The following CWH43 variants were observed in gnomAD, a reference collection of about 807,000 sequenced individuals.
CWH43 encodes the protein cell wall biogenesis 43 C-terminal homolog, also known as PGAP2-interacting protein.
A neutral mutation model predicts 85.7 loss-of-function variants in CWH43; 91 were observed. The ratio of observed to expected loss-of-function variants is 1.06; its 90% confidence interval spans 0.90 to 1.26. CWH43 has a LOEUF of 1.26. Among genes scored for constraint, CWH43 ranks in the 50% most tolerant of loss-of-function variants. The pLI is 0.00. For missense variants in CWH43, 869 were observed against 839.2 expected (o/e 1.04, Z -0.44); for synonymous variants, 323 against 293.6 (o/e 1.10, Z -1.02).
chr4:49,015,386 T>C (rs1164024487), intron 8 of CWH43, among the ~76,000 whole-genome samples: 3 of 152,126 alleles, frequency 2.0e-5, no homozygotes, highest in Non-Finnish European at 4.4e-5. Flanking sequence ...ATTATTCTCC[T>C]GTCTTCTGCT....
intron 7 of CWH43, among the ~76,000 whole-genome samples, chr4:49,006,121 C>T (rs1205297596): frequency 1.3e-5 from 2 of 152,082 alleles, no homozygotes; most frequent in African/African-American, 4.8e-5. Flanking sequence ...CTCTCTCCTG[C>T]TTTGTTTTCT....
At chr4:48,996,223 A>G (rs1022537892) in intron 5 of CWH43, among the ~76,000 whole-genome samples, 1 of 152,008 alleles carries the variant, frequency 6.6e-6, no homozygotes, top group African/African-American at 2.4e-5. Context: ...TGTTATTATC[A>G]CAGGGGATCC....
intron 9 of CWH43, among the ~76,000 whole-genome samples, chr4:49,023,144 T>G (rs1312085768): frequency 2.0e-5 from 3 of 152,218 alleles, no homozygotes; most frequent in Admixed American, 6.5e-5. Context: ...CTATTTGTGC[T>G]GTTTCAAACT....
chr4:49,057,757 C>T (rs148694414), intron 15 of CWH43, among the ~76,000 whole-genome samples: 1 of 152,236 alleles, frequency 6.6e-6, no homozygotes, highest in African/African-American at 2.4e-5. Context: ...GTTCTCCCTT[C>T]AGTTCTGTTA....
intron 5 of CWH43, 48 bp from the exon 6 acceptor site, chr4:48,998,412 T>C: frequency 7.3e-7 from 1 of 1,370,020 alleles, no homozygotes; most frequent in South Asian, 1.2e-5. Context: ...TTCGGGATGA[T>C]GAAATATTAC....
rs370189018 is a variant in CWH43 at position 49,007,177 on chromosome 4, T to C, written c.1061-24T>C. On this transcript the variant is annotated intron_variant, in intron 7 of 15. Transcript: ENST00000226432. ...AGGATTTTTGGATCAGACTATAACA[T>C]ATTCTTTCTTTCTCTTATAACAGGG... 103 of 1,596,838 alleles carry C rather than the reference T, an allele frequency of 6.5e-5. No individual in the cohort carries two copies. The African/African-American group carries it at 1.3e-3, about 20-fold the overall frequency.
rs1455670069 is a variant in CWH43, at chr4:48,986,342, G to A, written c.-88G>A. 34 of 1,302,488 alleles carry A rather than the reference G, an allele frequency of 2.6e-5. No individual in the cohort carries two copies. The highest frequency in any genetic ancestry group is 5.3e-4 in the Middle Eastern group (2 of 3,800). The allele number at this position is 1,302,488 out of a possible 1,614,324, so 80.7% of individuals were successfully genotyped here. A position where few individuals can be genotyped will look rare whatever the true frequency, so the allele number is the denominator to read the frequency against. The stretch of plus-strand genomic sequence containing the variant: ...GGCGCGGACGCAGGCCCGGGAGGAC[G>A]CGGCGGCGGGAACCTGGGGGCGCAG... On this transcript the variant is annotated 5_prime_UTR_variant, in exon 1 of 16. Transcript: ENST00000226432.
At chr4:49,007,802 A>G (rs1783211040) in intron 8 of CWH43, among the ~76,000 whole-genome samples, 1 of 151,630 alleles carries the variant, frequency 6.6e-6, no homozygotes, top group Non-Finnish European at 1.5e-5. Flanking sequence ...AAGGACATGA[A>G]CTCATTTTTT....
chr4:49,023,769 A>G (rs1322096237), intron 9 of CWH43, among the ~76,000 whole-genome samples: 1 of 152,236 alleles, frequency 6.6e-6, no homozygotes, highest in African/African-American at 2.4e-5. Context: ...ATGGCCTATC[A>G]TATGGTCTAT....
At chr4:49,005,682 A>T (rs1783134780) in intron 7 of CWH43, among the ~76,000 whole-genome samples, 1 of 149,800 alleles carries the variant, frequency 6.7e-6, no homozygotes, top group Non-Finnish European at 1.5e-5. Context: ...CTGGGTCTCC[A>T]GGCACACACC....
chr4:48,994,852 C>T (rs774976213), intron 5 of CWH43, 32 bp downstream of exon 5: 139 of 1,588,056 alleles, frequency 8.8e-5, no homozygotes, highest in East Asian at 1.1e-4. Flanking sequence ...ATCACAAAAT[C>T]GGCAGTTATG....
At chr4:49,030,669 T>G (rs773812367) in intron 10 of CWH43, among the ~76,000 whole-genome samples, 156 bp from the exon 11 acceptor site, 11 of 152,212 alleles carry the variant, frequency 7.2e-5, no homozygotes, top group Non-Finnish European at 1.3e-4. Context: ...GAGCTCAGAT[T>G]TGAGCCACTT....
At chr4:48,994,942 C>G in intron 5 of CWH43, 122 bp downstream of exon 5, 6 of 803,990 alleles carry the variant, frequency 7.5e-6, no homozygotes, top group South Asian at 7.3e-5. Context: ...CCCTAGATAT[C>G]AGAATGTGGC....
intron 14 of CWH43, among the ~76,000 whole-genome samples, chr4:49,047,056 C>T (rs1237618375): frequency 6.6e-6 from 1 of 152,158 alleles, no homozygotes; most frequent in Non-Finnish European, 1.5e-5. Context: ...GGCATCTTGG[C>T]ATTGCCTGCC....
chr4:49,040,824 T>A (rs1457893415), intron 13 of CWH43, among the ~76,000 whole-genome samples: 1 of 152,182 alleles, frequency 6.6e-6, no homozygotes, highest in Non-Finnish European at 1.5e-5. Flanking sequence ...TGCCCATGCC[T>A]ATGTCCTGAA....
intron 13 of CWH43, 135 bp downstream of exon 13, chr4:49,038,315 A>C: frequency 1.5e-6 from 1 of 662,070 alleles, no homozygotes. Context: ...TCACCACAAA[A>C]CATGTGAGCT....
chr4:49,026,400 G>A (rs963260444), intron 9 of CWH43, among the ~76,000 whole-genome samples: 3 of 152,294 alleles, frequency 2.0e-5, no homozygotes, highest in Admixed American at 2.0e-4. Flanking sequence ...TGTTCCTGTG[G>A]TAGTTCTTGG....
At chr4:49,048,962 C>T (rs1042872499) in intron 14 of CWH43, among the ~76,000 whole-genome samples, 1 of 152,138 alleles carries the variant, frequency 6.6e-6, no homozygotes, top group African/African-American at 2.4e-5. Context: ...GTATTAGGTG[C>T]TTAATAAATA....
intron 9 of CWH43, among the ~76,000 whole-genome samples, chr4:49,022,831 A>G (rs576298973): frequency 6.6e-6 from 1 of 152,198 alleles, no homozygotes; most frequent in South Asian, 2.1e-4. Context: ...TAGTTTATGT[A>G]TATAAAGATG....
Sources: allele counts gnomAD v4.1 joint callset (sites outside exome capture counted in the v4.1 genomes callset), GRCh38; gene constraint gnomAD v4.1.1; transcripts MANE v1.5; gene names NCBI Gene and HGNC (gene_info 2026-07-23, HGNC 2026-07-21).